FOXP2: variants seen among roughly 807,000 people sequenced by gnomAD.
FOXP2 encodes forkhead box P2.
A neutral mutation model predicts 115.8 loss-of-function variants in FOXP2; 12 were observed. The observed-to-expected ratio is 0.10, with a 90% CI of 0.07 to 0.17. The LOEUF (loss-of-function observed/expected upper bound fraction) is 0.17. Ranked by LOEUF, FOXP2 falls within the 10% of genes least tolerant of loss-of-function variation. The pLI is 1.00. For synonymous variants in FOXP2, 328 were observed against 297.7 expected (o/e 1.10, Z -1.05); for missense variants, 629 against 843.5 (o/e 0.75, Z 3.15).
chr7:114,446,139 A>G (rs16869712), intron 2 of FOXP2, among the ~76,000 whole-genome samples: 7,872 of 151,906 alleles, frequency 0.052, 596 homozygotes, highest in East Asian at 0.36. Context: ...TGTCATAAGC[A>G]TTTTTATTCC....
intron 1 of FOXP2, among the ~76,000 whole-genome samples, chr7:114,106,931 C>A (rs1791134066): frequency 6.6e-6 from 1 of 151,954 alleles, no homozygotes; most frequent in East Asian, 1.9e-4. Context: ...ATAATCAAAT[C>A]TCATTTTCTG....
chr7:114,122,280 T>G (rs1009023261), intron 1 of FOXP2, among the ~76,000 whole-genome samples: 5 of 152,160 alleles, frequency 3.3e-5, no homozygotes, highest in Non-Finnish European at 7.4e-5. Flanking sequence ...CAGAAATTAT[T>G]TACTATATTA....
intron 16 of FOXP2, among the ~76,000 whole-genome samples, chr7:114,674,343 T>A (rs553825776): frequency 2.0e-5 from 3 of 152,234 alleles, no homozygotes; most frequent in Non-Finnish European, 4.4e-5. Context: ...ACAGTTAATA[T>A]GGAATGCAGA....
intron 3 of FOXP2, among the ~76,000 whole-genome samples, chr7:114,560,697 G>A (rs1422622134): frequency 6.6e-5 from 10 of 152,150 alleles, no homozygotes; most frequent in Non-Finnish European, 2.9e-5. Context: ...AATGAAAAAT[G>A]AGGGCAAGAT....
upstream of FOXP2, among the ~76,000 whole-genome samples, chr7:114,161,887 A>G (rs1792847461): frequency 6.6e-6 from 1 of 151,994 alleles, no homozygotes; most frequent in African/African-American, 2.4e-5. Context: ...GGTTCATGCA[A>G]TTCTTGTGCC....
intron 2 of FOXP2, among the ~76,000 whole-genome samples, chr7:114,336,892 A>C (rs951544261): frequency 2.6e-5 from 4 of 151,558 alleles, no homozygotes; most frequent in African/African-American, 9.7e-5. Flanking sequence ...GTTACTTTTC[A>C]GGACAAATTT....
chr7:114,500,171 A>C (rs938874570), intron 2 of FOXP2, among the ~76,000 whole-genome samples: 9 of 149,376 alleles, frequency 6.0e-5, no homozygotes, highest in Non-Finnish European at 1.2e-4. Flanking sequence ...AGCCGAGATC[A>C]CGCAACTGCC....
At chr7:114,323,755 A>G (rs1266888939) in intron 2 of FOXP2, among the ~76,000 whole-genome samples, 1 of 151,998 alleles carries the variant, frequency 6.6e-6, no homozygotes, top group Non-Finnish European at 1.5e-5. Context: ...TTTTCCTCCC[A>G]GGAACAAGTA....
At chr7:114,365,864 AC>A (rs1199461077) in intron 2 of FOXP2, among the ~76,000 whole-genome samples, 1 of 152,186 alleles carries the variant, frequency 6.6e-6, no homozygotes, top group Non-Finnish European at 1.5e-5. Context: ...GACATGCCAT[AC>A]AAAAAAGAAA....
At chr7:114,255,650 T>G (rs1178725905) in intron 1 of FOXP2, among the ~76,000 whole-genome samples, 2 of 152,088 alleles carry the variant, frequency 1.3e-5, no homozygotes, top group Non-Finnish European at 2.9e-5. Context: ...AAAAGCGCAG[T>G]ATTAAGGTGG....
intron 2 of FOXP2, among the ~76,000 whole-genome samples, chr7:114,298,511 G>A (rs1796798686): frequency 6.6e-6 from 1 of 152,172 alleles, no homozygotes; most frequent in African/African-American, 2.4e-5. Context: ...TTATCCACCA[G>A]CATTAGCTGA....
chr7:114,402,881 A>C (rs925305785), intron 2 of FOXP2, among the ~76,000 whole-genome samples: 2 of 152,018 alleles, frequency 1.3e-5, no homozygotes, highest in Non-Finnish European at 2.9e-5. Context: ...TCAAGTCCTT[A>C]AGTGATCTTC....
At chr7:114,493,627 C>T (rs1358343368) in intron 2 of FOXP2, among the ~76,000 whole-genome samples, 2 of 151,958 alleles carry the variant, frequency 1.3e-5, no homozygotes, top group Admixed American at 1.3e-4. Context: ...TACCCAGAAG[C>T]ACTTTATCTC....
At chr7:114,666,268 T>G (rs1390741391) in intron 16 of FOXP2, 1 of 152,084 alleles carries the variant, frequency 6.6e-6, no homozygotes, top group Non-Finnish European at 1.5e-5. Context: ...AAAAGGGGTG[T>G]AAATTGTCCC....
At chr7:114,272,697 C>T (rs912447848) in intron 1 of FOXP2, among the ~76,000 whole-genome samples, 2 of 151,704 alleles carry the variant, frequency 1.3e-5, no homozygotes, top group Non-Finnish European at 3.0e-5. Context: ...AGACTTTCAT[C>T]CATTAGGGTA....
intron 16 of FOXP2, chr7:114,667,129 T>C (rs1289501236): frequency 6.6e-6 from 1 of 152,066 alleles, no homozygotes; most frequent in African/African-American, 2.4e-5. Context: ...TCCATAAAAC[T>C]GAAACAACAT....
intron 3 of FOXP2, among the ~76,000 whole-genome samples, chr7:114,568,146 G>T (rs1801113309): frequency 6.6e-6 from 1 of 151,852 alleles, no homozygotes; most frequent in Non-Finnish European, 1.5e-5. Flanking sequence ...GAGTGACAGG[G>T]ACAGAGAAAT....
intron 6 of FOXP2, among the ~76,000 whole-genome samples, chr7:114,634,753 G>A (rs1023374997): frequency 6.6e-5 from 10 of 151,834 alleles, no homozygotes; most frequent in African/African-American, 1.7e-4. Context: ...ATATTATCTA[G>A]TAATGAAATT....
upstream of FOXP2, among the ~76,000 whole-genome samples, chr7:114,412,469 C>G (rs1456910922): frequency 6.6e-6 from 1 of 152,130 alleles, no homozygotes; most frequent in Non-Finnish European, 1.5e-5. Context: ...TGGTTATACA[C>G]TTCTTCCTAA....
Sources: allele counts gnomAD v4.1 joint callset (sites outside exome capture counted in the v4.1 genomes callset), GRCh38; gene constraint gnomAD v4.1.1; transcripts MANE v1.5; gene names NCBI Gene and HGNC (gene_info 2026-07-23, HGNC 2026-07-21).